The following MAP4 variants were observed in gnomAD, a reference collection of about 807,000 sequenced individuals.
The protein encoded by MAP4 is microtubule-associated protein 4.
Under a neutral mutation model 170.2 loss-of-function variants are expected in MAP4, and 76 were observed. That is an observed-to-expected ratio of 0.45 (90% CI 0.37 to 0.54). The LOEUF is 0.54. Among genes scored for constraint, MAP4 ranks in the 20% least tolerant of loss-of-function variants. MAP4 has a pLI of 0.00. For synonymous variants in MAP4, 909 were observed against 994.5 expected, an observed-to-expected ratio of 0.91 and a Z score of 1.62; for missense variants, 2,506 against 2,748.0, an observed-to-expected ratio of 0.91 and a Z score of 1.97.
At chr3:47,944,865 G>A (rs886146481) in intron 3 of MAP4, among the ~76,000 whole-genome samples, 3 of 149,968 alleles carry the variant, frequency 2.0e-5, no homozygotes, top group Non-Finnish European at 4.4e-5. Flanking sequence ...GATAACTGGT[G>A]AATTGAATAC....
chr3:48,047,094 A>AT (rs2100125012), intron 1 of MAP4, among the ~76,000 whole-genome samples: 2 of 128,634 alleles, frequency 1.6e-5, no homozygotes, highest in Admixed American at 8.7e-5. Flanking sequence ...ACTCCGTCTC[A>AT]AAAATAAATA....
intron 1 of MAP4, among the ~76,000 whole-genome samples, chr3:48,013,306 A>C (rs1490506502): frequency 2.0e-5 from 3 of 151,998 alleles, no homozygotes; most frequent in Non-Finnish European, 4.4e-5. Flanking sequence ...TTTACTCTAA[A>C]AAAAAAACCT....
At chr3:48,053,996 A>C (rs2100129267) in intron 1 of MAP4, among the ~76,000 whole-genome samples, 1 of 152,238 alleles carries the variant, frequency 6.6e-6, no homozygotes, top group African/African-American at 2.4e-5. Flanking sequence ...AAAAGAAAAA[A>C]TAAATGTCAT....
intron 3 of MAP4, among the ~76,000 whole-genome samples, chr3:47,934,952 A>G (rs1011109325): frequency 6.6e-6 from 1 of 152,218 alleles, no homozygotes; most frequent in Admixed American, 6.5e-5. Flanking sequence ...GGCACTACGA[A>G]AACACAGAAG....
intron 3 of MAP4, among the ~76,000 whole-genome samples, chr3:47,964,940 C>T (rs962678682): frequency 2.6e-4 from 40 of 152,096 alleles, no homozygotes; most frequent in African/African-American, 9.4e-4. Context: ...TCATCACCAC[C>T]ATCCATCTCC....
chr3:47,879,463 G>A (rs182629854), intron 10 of MAP4, among the ~76,000 whole-genome samples: 1 of 152,282 alleles, frequency 6.6e-6, no homozygotes, highest in African/African-American at 2.4e-5. Context: ...ATAGGAAGTT[G>A]CAAAGAAATA....
chr3:47,858,375 G>GTCTT (rs1559778880), intron 17 of MAP4, among the ~76,000 whole-genome samples: 1 of 152,024 alleles, frequency 6.6e-6, no homozygotes, highest in Non-Finnish European at 1.5e-5. Context: ...CACCCCACAG[G>GTCTT]TCTTTCTGTG....
rs1273195533 is a variant in MAP4 at position 47,853,369 on chromosome 3, G to T, written c.6697-17C>A. The T allele has an allele frequency of 3.2e-6, 5 of 1,584,692 alleles. No individual in the cohort carries two copies. The Admixed American group carries it at 7.1e-5, about 23-fold the overall frequency. ...GCCCTCAGTCTACAATGAAACAGTG[G>T]GGGAGACAGTGCAGGGTCAGTCGAG... On this transcript the variant is annotated splice_polypyrimidine_tract_variant and intron_variant, in intron 19 of 20. Coordinates refer to ENST00000683076, the MANE Select transcript of MAP4 (RefSeq NM_001385682.1).
chr3:47,993,408 T>G (rs994796542), intron 2 of MAP4, among the ~76,000 whole-genome samples: 1 of 152,118 alleles, frequency 6.6e-6, no homozygotes, highest in African/African-American at 2.4e-5. Context: ...CAATATCAAT[T>G]TGAGAGGAAA....
At chr3:47,966,512 G>A (rs1046173978) in intron 3 of MAP4, among the ~76,000 whole-genome samples, 1 of 151,934 alleles carries the variant, frequency 6.6e-6, no homozygotes, top group African/African-American at 2.4e-5. Context: ...CTCCCAAAGT[G>A]TTGGGATTAC....
intron 1 of MAP4, among the ~76,000 whole-genome samples, chr3:48,022,834 T>G (rs1312946563): frequency 6.6e-6 from 1 of 151,992 alleles, no homozygotes; most frequent in African/African-American, 2.4e-5. Context: ...GAGGTTGCAG[T>G]GAGCCAAGAT....
chr3:47,893,868 T>C (rs567407603), intron 10 of MAP4, among the ~76,000 whole-genome samples: 1 of 152,180 alleles, frequency 6.6e-6, no homozygotes, highest in East Asian at 1.9e-4. Flanking sequence ...TGTTCTTTGG[T>C]CTATAAAATG....
At chr3:48,056,538 G>A (rs1391525520) in intron 1 of MAP4, among the ~76,000 whole-genome samples, 1 of 89,708 alleles carries the variant, frequency 1.1e-5, no homozygotes, top group African/African-American at 6.4e-5. Flanking sequence ...GGAGGTGAGG[G>A]GCGCCTCTGC....
chr3:47,918,952 A>T, intron 5 of MAP4, 111 bp from the exon 6 acceptor site: 1 of 878,642 alleles, frequency 1.1e-6, no homozygotes, highest in Non-Finnish European at 1.7e-6. Flanking sequence ...TTTTTGAGAC[A>T]GAGTTTCGCT....
chr3:47,972,614 C>T (rs1482182207), intron 3 of MAP4, among the ~76,000 whole-genome samples: 1 of 152,088 alleles, frequency 6.6e-6, no homozygotes, highest in African/African-American at 2.4e-5. Context: ...GGGCTGGGCG[C>T]GGTGGCTCAC....
chr3:48,066,525 A>T (rs1454271417), intron 1 of MAP4, among the ~76,000 whole-genome samples: 1 of 151,942 alleles, frequency 6.6e-6, no homozygotes, highest in African/African-American at 2.4e-5. Flanking sequence ...ACACAGTTTC[A>T]CTCTGCCTCC....
intron 10 of MAP4, among the ~76,000 whole-genome samples, chr3:47,887,385 C>G (rs1559910838): frequency 6.6e-6 from 1 of 152,224 alleles, no homozygotes; most frequent in African/African-American, 2.4e-5. Context: ...AGTCCCCCAG[C>G]AGTGCCGGCC....
chr3:47,869,257 G>A lies in MAP4; in HGVS notation c.6365C>T (p.Thr2122Ile). Residue 2122 changes from threonine (T) to isoleucine (I), a missense_variant, in exon 16 of 21, where the codon ACA becomes ATA. This residue lies in a region of MAP4 where 487 missense variants were observed against 511.6 expected (regional missense o/e 0.95). Coordinates refer to ENST00000683076, the MANE Select transcript of MAP4 (RefSeq NM_001385682.1). ...CTGTGCACTTGCAATTGGGCCGGCTGTTTTAGTGACTGCATTAGATTCAGG... is the reference window on the plus strand; with the variant it reads ...CTGTGCACTTGCAATTGGGCCGGCTATTTTAGTGACTGCATTAGATTCAGG... ...RKPESNAVTK[T>I]AGPIASAQKQ... The A allele has an allele frequency of 6.2e-7, 1 of 1,614,192 alleles. No homozygotes were observed. The highest frequency in any genetic ancestry group is 8.5e-7 in the Non-Finnish European group (1 of 1,180,014).
At chr3:47,991,084 G>T (rs867598695) in intron 2 of MAP4, among the ~76,000 whole-genome samples, 1 of 152,194 alleles carries the variant, frequency 6.6e-6, no homozygotes, top group Admixed American at 6.5e-5. Context: ...AAGGAATAAA[G>T]GTCGGGGGGT....
Sources: gnomAD v4.1 joint callset for allele counts (sites outside exome capture counted in the v4.1 genomes callset) on GRCh38, gnomAD v4.1.1 for gene constraint, gnomAD v4.1.1 regional missense constraint, MANE v1.5 for transcripts, NCBI Gene and HGNC (gene_info 2026-07-23, HGNC 2026-07-21) for gene names.